OPA1: variants seen among roughly 807,000 people sequenced by gnomAD.
OPA1 encodes dynamin-like GTPase OPA1, mitochondrial.
In OPA1, 59 loss-of-function variants were observed where a neutral mutation model predicts 152.9. The ratio of observed to expected loss-of-function variants is 0.39; its 90% CI spans 0.31 to 0.48. The LOEUF (loss-of-function observed/expected upper bound fraction) is 0.48, where lower values mean the gene tolerates loss of function less well. OPA1 is among the 20% of genes least tolerant of loss of function. The pLI, the probability that OPA1 is intolerant of heterozygous loss-of-function variation, is 0.96. For missense variants in OPA1, 1,008 were observed against 1,216.8 expected (o/e 0.83, Z 2.55); for synonymous variants, 400 against 389.9 (o/e 1.03, Z -0.31).
intron 15 of OPA1, 151 bp from the exon 16 acceptor site, chr3:193,643,824 T>G: frequency 1.0e-6 from 1 of 990,210 alleles, no homozygotes; most frequent in Non-Finnish European, 1.5e-6. Flanking sequence ...ATTGAAATTT[T>G]TATCGGCTAG....
intron 5 of OPA1, 107 bp from the exon 6 acceptor site, chr3:193,618,762 T>G (rs745444482): frequency 4.7e-6 from 4 of 859,108 alleles, no homozygotes; most frequent in Admixed American, 3.5e-5. Flanking sequence ...GAATCTGAGT[T>G]GCTCTAAAAA....
In OPA1 at chr3:193,618,945, A is replaced by G. The variant is rs1729525211; in HGVS notation, c.678+9A>G. The G allele has an allele frequency of 1.2e-6, 2 of 1,607,936 alleles. No homozygotes were observed. Among genetic ancestry groups the G allele is most frequent in the Non-Finnish European group, 1.7e-6 (2 of 1,174,306 alleles). On this transcript the variant is annotated intron_variant, in intron 6 of 30. Coordinates refer to ENST00000361510, the MANE Select transcript of OPA1 (RefSeq NM_130837.3). Reference sequence around the variant, plus strand: ...ACAAGCATTTTAGAAAGGTAAGTGTAAAAGAGAATTGTTCATGTAGGTAGT... The same window carrying G: ...ACAAGCATTTTAGAAAGGTAAGTGTGAAAGAGAATTGTTCATGTAGGTAGT...
In OPA1 at chr3:193,695,773, A is replaced by G. The variant is rs1287711699; in HGVS notation, c.*1173A>G. The G allele has an allele frequency of 6.6e-6, 1 of 152,164 alleles. No individual in the cohort carries two copies. Among genetic ancestry groups the G allele is most frequent in the African/African-American group, 2.4e-5 (1 of 41,430 alleles). 9.4% of individuals were successfully genotyped at this position (152,164 alleles called of 1,614,324 possible). A position where few individuals can be genotyped will look rare whatever the true frequency, so the allele number is the denominator to read the frequency against. On this transcript the variant is annotated 3_prime_UTR_variant, in exon 31 of 31. Coordinates refer to ENST00000361510, the MANE Select transcript of OPA1 (RefSeq NM_130837.3). ...TCCATTGTGTGATGTTTTTGATTTTACAGTTTGCTAAATCTTATTTTCTTG... is the reference window on the plus strand; with the variant it reads ...TCCATTGTGTGATGTTTTTGATTTTGCAGTTTGCTAAATCTTATTTTCTTG...
At chr3:193,681,960 TGAAA>T (rs1470388361) in intron 29 of OPA1, among the ~76,000 whole-genome samples, 2 of 152,188 alleles carry the variant, frequency 1.3e-5, no homozygotes, top group Non-Finnish European at 2.9e-5. Flanking sequence ...CATGTTCAAG[TGAAA>T]GAAAGAGTGC....
chr3:193,648,423 A>T, intron 20 of OPA1: 1 of 388,386 alleles, frequency 2.6e-6, no homozygotes, highest in Non-Finnish European at 4.6e-6. Flanking sequence ...GTATTCCTGT[A>T]ATTTAGTGGG....
intron 30 of OPA1, among the ~76,000 whole-genome samples, chr3:193,694,130 T>G (rs1722029810): frequency 6.6e-6 from 1 of 152,226 alleles, no homozygotes; most frequent in Non-Finnish European, 1.5e-5. Flanking sequence ...TCAACCCTTG[T>G]GACTTAAGAC....
In OPA1 at chr3:193,641,245, A is replaced by G. The variant is rs73067683; in HGVS notation, c.1150-1520A>G. On this transcript the variant is annotated intron_variant, in intron 11 of 30. Coordinates refer to ENST00000361510, the MANE Select transcript of OPA1 (RefSeq NM_130837.3). ...GGGTGTGGACAGGTTTCCTTGAAAC[A>G]GATGAGGCTGGTCTCTTTCCGGTTT... Among the ~76,000 whole-genome samples the G allele has an allele frequency of 7.2e-3, 1,103 of 152,326 alleles. 9 individuals carry two copies. The highest frequency in any genetic ancestry group is 0.021 in the African/African-American group (890 of 41,574).
At chr3:193,595,714 G>C (rs1725368508) in intron 1 of OPA1, among the ~76,000 whole-genome samples, 1 of 151,976 alleles carries the variant, frequency 6.6e-6, no homozygotes, top group Admixed American at 6.6e-5. Flanking sequence ...CTACTCATTT[G>C]ACTTGGCACA....
intron 1 of OPA1, among the ~76,000 whole-genome samples, chr3:193,594,850 T>C (rs1230736080): frequency 6.6e-6 from 1 of 152,216 alleles, no homozygotes; most frequent in Non-Finnish European, 1.5e-5. Context: ...AAGTAAGTTA[T>C]TTACAACCCT....
chr3:193,615,077 A>G, intron 2 of OPA1, 36 bp downstream of exon 2: 1 of 1,477,616 alleles, frequency 6.8e-7, no homozygotes, highest in Non-Finnish European at 9.5e-7. Context: ...TCCAATTATT[A>G]TATCATGATT....
At position 193,637,262 on chromosome 3, in the gene OPA1, C is replaced by T. The variant is rs141326740; in HGVS notation, c.1016C>T (p.Thr339Met). ...TCTGATTATGATGCCAGTTATAATA[C>T]GCAAGATCATCTGCCACGGGTATGT... Reference protein sequence around the residue: ...VLSDYDASYNTQDHLPRVVVV... With the variant: ...VLSDYDASYNMQDHLPRVVVV... Residue 339 changes from threonine to methionine, a missense_variant, in exon 10 of 31, where the codon ACG (threonine) becomes ATG (methionine). Transcript: ENST00000361510. 38 of 1,604,728 alleles carry T rather than the reference C, an allele frequency of 2.4e-5. No homozygotes were observed. The Middle Eastern group carries it at 9.9e-4, about 42-fold the overall frequency.
intron 3 of OPA1, among the ~76,000 whole-genome samples, chr3:193,616,652 C>A (rs1331733109): frequency 2.0e-5 from 3 of 152,110 alleles, no homozygotes; most frequent in Non-Finnish European, 2.9e-5. Context: ...ACTGCCCTCC[C>A]TTTTTCAATA....
At chr3:193,669,325 C>T (rs538163119) in intron 29 of OPA1, among the ~76,000 whole-genome samples, 1 of 152,310 alleles carries the variant, frequency 6.6e-6, no homozygotes, top group African/African-American at 2.4e-5. Flanking sequence ...TCTTTCGAGA[C>T]ATATCTCATT....
intron 19 of OPA1, among the ~76,000 whole-genome samples, chr3:193,647,827 G>A (rs1163125840): frequency 6.6e-6 from 1 of 152,114 alleles, no homozygotes. Flanking sequence ...CAGCTCTATG[G>A]TACTAAACTA....
intron 7 of OPA1, among the ~76,000 whole-genome samples, chr3:193,629,155 C>T (rs926382171): frequency 1.6e-4 from 24 of 152,034 alleles, no homozygotes; most frequent in Middle Eastern, 3.4e-3. Context: ...TCAGGTGATC[C>T]GCCTGCCTCG....
At chr3:193,610,494 TGAG>T (rs1399227749) in intron 1 of OPA1, among the ~76,000 whole-genome samples, 1 of 152,198 alleles carries the variant, frequency 6.6e-6, no homozygotes, top group African/African-American at 2.4e-5. Flanking sequence ...GGGACCCACT[TGAG>T]GAGGCAGTCT....
intron 7 of OPA1, among the ~76,000 whole-genome samples, chr3:193,630,644 A>G (rs1034413303): frequency 6.6e-5 from 10 of 152,130 alleles, no homozygotes; most frequent in Non-Finnish European, 1.3e-4. Flanking sequence ...GGATTTAACT[A>G]TTTTCTCCTG....
At chr3:193,653,749 C>T (rs1039809754) in intron 21 of OPA1, among the ~76,000 whole-genome samples, 2 of 152,128 alleles carry the variant, frequency 1.3e-5, no homozygotes, top group Non-Finnish European at 2.9e-5. Context: ...GTCTCAGACT[C>T]TCCCGTAAGC....
intron 11 of OPA1, among the ~76,000 whole-genome samples, chr3:193,638,313 AATAAG>A (rs1487940224): frequency 1.3e-5 from 2 of 152,190 alleles, no homozygotes; most frequent in African/African-American, 4.8e-5. Context: ...TTTTATTCTG[AATAAG>A]ATAAGAGAGA....
Sources: gnomAD v4.1 joint callset for allele counts (sites outside exome capture counted in the v4.1 genomes callset) on GRCh38, gnomAD v4.1.1 for gene constraint, MANE v1.5 for transcripts, NCBI Gene and HGNC (gene_info 2026-07-23, HGNC 2026-07-21) for gene names.